The following RBFOX3 variants were observed in gnomAD, a reference collection of about 807,000 sequenced individuals.
RBFOX3 encodes RNA binding protein fox-1 homolog 3.
RBFOX3 carries 17 observed loss-of-function variants against 48.7 expected under a neutral mutation model. The ratio of observed to expected loss-of-function variants is 0.35; its 90% CI spans 0.24 to 0.52. The LOEUF (loss-of-function observed/expected upper bound fraction) is 0.52, where lower values mean the gene tolerates loss of function less well. RBFOX3 is among the 20% of genes least tolerant of loss of function. RBFOX3 has a pLI of 0.94. For missense variants in RBFOX3, 382 were observed against 497.5 expected (o/e 0.77, Z 2.21); for synonymous variants, 212 against 209.5 (o/e 1.01, Z -0.10).
chr17:79,588,788 C>T (rs1324954326), intron 1 of RBFOX3, among the ~76,000 whole-genome samples: 1 of 150,688 alleles, frequency 6.6e-6, no homozygotes, highest in Non-Finnish European at 1.5e-5. Flanking sequence ...TGGACCTGGG[C>T]CATATAGTGA....
chr17:79,651,396 G>A, the RBFOX3 span, among the ~76,000 whole-genome samples: 6 of 152,134 alleles, frequency 3.9e-5, no homozygotes, highest in East Asian at 1.2e-3. Flanking sequence ...ACAGACAGGG[G>A]AAGATGCGGA....
At chr17:79,101,934 C>T (rs917884440) in intron 8 of RBFOX3, among the ~76,000 whole-genome samples, 1 of 152,246 alleles carries the variant, frequency 6.6e-6, no homozygotes, top group Non-Finnish European at 1.5e-5. Context: ...ACAGCTGGAG[C>T]AGCTCCCTGG....
intron 1 of RBFOX3, among the ~76,000 whole-genome samples, chr17:79,583,289 C>T (rs1218456600): frequency 2.0e-5 from 3 of 152,328 alleles, no homozygotes; most frequent in South Asian, 4.1e-4. Flanking sequence ...GTGAAAGGCC[C>T]TGACACTTTC....
intron 4 of RBFOX3, among the ~76,000 whole-genome samples, chr17:79,145,350 C>G (rs994158907): frequency 1.3e-5 from 2 of 152,202 alleles, no homozygotes; most frequent in Non-Finnish European, 2.9e-5. Flanking sequence ...GAAACGTGGC[C>G]GCACCCTGAA....
At chr17:79,334,316 A>G (rs1276458090) in intron 2 of RBFOX3, among the ~76,000 whole-genome samples, 1 of 152,178 alleles carries the variant, frequency 6.6e-6, no homozygotes, top group East Asian at 1.9e-4. Context: ...AGACAGTGGC[A>G]TCGCCAGCTG....
At chr17:79,344,888 C>T (rs955739458) in intron 2 of RBFOX3, among the ~76,000 whole-genome samples, 1 of 152,172 alleles carries the variant, frequency 6.6e-6, no homozygotes, top group African/African-American at 2.4e-5. Flanking sequence ...CCCAATCTGC[C>T]TCTGTCCACA....
chr17:79,121,011 G>C (rs1435926660), intron 4 of RBFOX3, among the ~76,000 whole-genome samples: 1 of 152,046 alleles, frequency 6.6e-6, no homozygotes, highest in Non-Finnish European at 1.5e-5. Context: ...CTCACGACCT[G>C]AATGTTGATT....
At chr17:79,135,060 C>A (rs2039862954) in intron 4 of RBFOX3, 1 of 152,286 alleles carries the variant, frequency 6.6e-6, no homozygotes, top group South Asian at 2.1e-4. Context: ...ACTCAGCACA[C>A]CCAGGATGAG....
chr17:79,664,503 C>T, the RBFOX3 span, among the ~76,000 whole-genome samples: 5 of 152,128 alleles, frequency 3.3e-5, no homozygotes, highest in African/African-American at 1.2e-4. Flanking sequence ...CCCACCACCT[C>T]ACCTGGCTAA....
intron 2 of RBFOX3, among the ~76,000 whole-genome samples, chr17:79,415,031 G>A (rs912380360): frequency 5.3e-5 from 8 of 152,126 alleles, no homozygotes; most frequent in African/African-American, 1.4e-4. Flanking sequence ...TCATCGCCAC[G>A]GTCCACATGC....
At chr17:79,187,461 A>G (rs971783144) in intron 4 of RBFOX3, among the ~76,000 whole-genome samples, 2 of 152,274 alleles carry the variant, frequency 1.3e-5, no homozygotes, top group African/African-American at 4.8e-5. Flanking sequence ...CTTCATCGAC[A>G]AATACATCGT....
At chr17:79,208,791 TC>T (rs1403696155) in intron 4 of RBFOX3, among the ~76,000 whole-genome samples, 1 of 149,582 alleles carries the variant, frequency 6.7e-6, no homozygotes, top group Non-Finnish European at 1.5e-5. Context: ...CACTCCCATC[TC>T]CACCCTGGCT....
At chr17:79,613,433 G>A (rs985163338), upstream of RBFOX3, among the ~76,000 whole-genome samples, 7 of 152,260 alleles carry the variant, frequency 4.6e-5, no homozygotes, top group African/African-American at 1.7e-4. Flanking sequence ...GTCAGGGCCA[G>A]CAGGACATAC....
chr17:79,352,220 G>A (rs368338513), intron 2 of RBFOX3, among the ~76,000 whole-genome samples: 1 of 152,178 alleles, frequency 6.6e-6, no homozygotes, highest in Non-Finnish European at 1.5e-5. Flanking sequence ...TGGATCATGG[G>A]GGTGGTTTTT....
At chr17:79,656,109 G>A in the RBFOX3 span, among the ~76,000 whole-genome samples, 6 of 152,136 alleles carry the variant, frequency 3.9e-5, no homozygotes, top group East Asian at 5.8e-4. Flanking sequence ...CAGAACCCAC[G>A]TCCTTGTCAC....
intron 4 of RBFOX3, among the ~76,000 whole-genome samples, chr17:79,144,320 C>G (rs1179181538): frequency 5.3e-5 from 8 of 152,206 alleles, no homozygotes; most frequent in Non-Finnish European, 1.2e-4. Flanking sequence ...AAAAATGTGC[C>G]AAGATTTTGC....
chr17:79,130,165 G>A (rs2038455320), intron 4 of RBFOX3, among the ~76,000 whole-genome samples: 1 of 152,164 alleles, frequency 6.6e-6, no homozygotes, highest in Non-Finnish European at 1.5e-5. Context: ...AGGGCTGTCG[G>A]ACGCCCCGCC....
At chr17:79,107,334 G>T (rs985899171) in intron 5 of RBFOX3, among the ~76,000 whole-genome samples, 1 of 152,330 alleles carries the variant, frequency 6.6e-6, no homozygotes, top group Admixed American at 6.5e-5. Context: ...AACCTTTGGG[G>T]TTCACCTCCA....
chr17:79,247,095 C>T (rs930329792), intron 3 of RBFOX3, among the ~76,000 whole-genome samples: 6 of 152,118 alleles, frequency 3.9e-5, no homozygotes, highest in Admixed American at 1.3e-4. Context: ...TTCAGAAATC[C>T]GTCTCCATCA....
Sources: allele counts gnomAD v4.1 joint callset (sites outside exome capture counted in the v4.1 genomes callset), GRCh38; gene constraint gnomAD v4.1.1; transcripts MANE v1.5; gene names NCBI Gene and HGNC (gene_info 2026-07-23, HGNC 2026-07-21).